TMOD2: variants seen among roughly 807,000 people sequenced by gnomAD.
TMOD2 encodes tropomodulin-2.
A neutral mutation model predicts 39.9 loss-of-function variants in TMOD2; 22 were observed. The observed-to-expected ratio is 0.55, with a 90% confidence interval of 0.39 to 0.79. The LOEUF is 0.79. Among genes scored for constraint, TMOD2 ranks in the 30% least tolerant of loss-of-function variants. The pLI, the probability that TMOD2 is intolerant of heterozygous loss-of-function variation, is 0.00. For synonymous variants in TMOD2, 123 were observed against 146.1 expected (o/e 0.84, Z 1.14); for missense variants, 386 against 413.3 (o/e 0.93, Z 0.57).
chr15:51,798,312 C>T lies in TMOD2; in HGVS notation c.848C>T (p.Thr283Ile), dbSNP rs751031843. The stretch of plus-strand genomic sequence containing the variant: ...GTAGAGGCACTGAAAGAAAATGACA[C>T]CTTGACAGAAATCAAGATTGACAAC... The part of the protein sequence containing the change: ...ALVEALKEND[T>I]LTEIKIDNQR... The change falls in exon 8 of 10, where the codon ACC (threonine) becomes ATC (isoleucine). Residue 283 changes from threonine to isoleucine, a missense_variant. Coordinates refer to ENST00000249700, the MANE Select transcript of TMOD2 (RefSeq NM_014548.4). 4.3e-6 allele frequency: 7 copies of T among 1,613,558 alleles called. No homozygotes were observed. Among genetic ancestry groups the T allele is most frequent in the Non-Finnish European group, 5.1e-6 (6 of 1,179,904 alleles).
At chr15:51,768,221 G>A (rs8027426) in intron 2 of TMOD2, 41 bp from the exon 3 acceptor site, 19,473 of 1,612,378 alleles carry the variant, frequency 0.012, 733 homozygotes, top group Admixed American at 0.11. Flanking sequence ...AGTACAGGCC[G>A]GCAGACATCT....
Position 51,813,423 on chromosome 15 carries a change from A to G in TMOD2, c.*4969A>G, listed in dbSNP as rs907148407. On this transcript the variant is annotated 3_prime_UTR_variant, in exon 10 of 10. Coordinates refer to ENST00000249700, the MANE Select transcript of TMOD2 (RefSeq NM_014548.4). ...GAGAGAACTGATGACCTAGACATAG[A>G]AAAGAGTAGTTAACTAACTAGATGT... 13 of 152,222 alleles carry G rather than the reference A, an allele frequency of 8.5e-5. No homozygotes were observed. Among genetic ancestry groups the G allele is most frequent in the African/African-American group, 3.1e-4 (13 of 41,448 alleles). 9.4% of individuals were successfully genotyped at this position (152,222 alleles called of 1,614,324 possible).
In TMOD2 at chr15:51,809,444, A is replaced by G. The variant is rs2056141881; in HGVS notation, c.*990A>G. The G allele has an allele frequency of 6.6e-6, 1 of 152,546 alleles. No individual in the cohort carries two copies. Among genetic ancestry groups the G allele is most frequent in the African/African-American group, 2.4e-5 (1 of 41,472 alleles). 9.4% of individuals were successfully genotyped at this position (152,546 alleles called of 1,614,324 possible). ...GTTAATTATCTAGATTTTTGTCCACAGTATATGATCCATCCAGACATTTGC... is the reference window on the plus strand; with the variant it reads ...GTTAATTATCTAGATTTTTGTCCACGGTATATGATCCATCCAGACATTTGC... On this transcript the variant is annotated 3_prime_UTR_variant, in exon 10 of 10. Transcript: ENST00000249700.
chr15:51,789,725 A>G (rs1483812889), intron 7 of TMOD2, among the ~76,000 whole-genome samples: 1 of 152,218 alleles, frequency 6.6e-6, no homozygotes, highest in Non-Finnish European at 1.5e-5. Context: ...CTGCACAACT[A>G]CGTGGAAACT....
chr15:51,754,752 CT>C (rs1318072981), intron 1 of TMOD2, among the ~76,000 whole-genome samples: 2 of 152,096 alleles, frequency 1.3e-5, no homozygotes, highest in Non-Finnish European at 2.9e-5. Context: ...TTATTCTTGA[CT>C]TTTCAGAGCC....
intron 8 of TMOD2, 49 bp downstream of exon 8, chr15:51,798,389 G>A (rs747974245): frequency 1.3e-6 from 2 of 1,591,122 alleles, no homozygotes; most frequent in Admixed American, 1.9e-5. Flanking sequence ...GGTGTGCAGT[G>A]AGCGGGGGAA....
chr15:51,784,712 ATTC>A (rs1321384207), intron 7 of TMOD2: 3 of 152,236 alleles, frequency 2.0e-5, no homozygotes, highest in Admixed American at 1.3e-4. Flanking sequence ...CAGTTTAAGG[ATTC>A]TTATCTCTGT....
chr15:51,814,857 A>G lies in TMOD2; in HGVS notation c.*6403A>G, dbSNP rs8028486. 54,516 of 152,214 alleles carry G rather than the reference A, an allele frequency of 0.36. 10,153 individuals carry two copies. The highest frequency in any genetic ancestry group is 0.44 in the Middle Eastern group (128 of 294). 9.4% of individuals were successfully genotyped at this position (152,214 alleles called of 1,614,324 possible). A position where few individuals can be genotyped will look rare whatever the true frequency, so the allele number is the denominator to read the frequency against. On this transcript the variant is annotated 3_prime_UTR_variant, in exon 10 of 10. Coordinates refer to ENST00000249700, the MANE Select transcript of TMOD2 (RefSeq NM_014548.4). Reference sequence around the variant, plus strand: ...TGTTTCTCTCCAGGAGGCTTTGTTCAGAGGAGGTCTGACTATTGCACAGCC... The same window carrying G: ...TGTTTCTCTCCAGGAGGCTTTGTTCGGAGGAGGTCTGACTATTGCACAGCC...
Position 51,808,554 on chromosome 15 carries a change from T to C in TMOD2, c.*100T>C. On this transcript the variant is annotated 3_prime_UTR_variant, in exon 10 of 10. Coordinates refer to ENST00000249700, the MANE Select transcript of TMOD2 (RefSeq NM_014548.4). ...GGACCATTTTATCAAAGTTCGTTCA[T>C]TTCCGTTAACCACATAACTAATAAT... is the stretch of plus-strand genomic sequence containing the variant. 15 of 915,690 alleles carry C rather than the reference T, an allele frequency of 1.6e-5. No homozygotes were observed. In the South Asian group the frequency reaches 2.4e-4, roughly 15 times the overall value. The allele number at this position is 915,690 out of a possible 1,614,324, so 56.7% of individuals were successfully genotyped here.
At chr15:51,768,505 T>G in intron 3 of TMOD2, 87 bp downstream of exon 3, 3 of 1,303,738 alleles carry the variant, frequency 2.3e-6, no homozygotes, top group Non-Finnish European at 3.2e-6. Flanking sequence ...AGATTACCTC[T>G]TTTTATTTTA....
chr15:51,768,257 G>A lies in TMOD2; in HGVS notation c.127-5G>A. ...TCCTTCCTGCTCACACCTCTTTCTT[G>A]TCAGAGTGCCATGCTGCCAGCTGGA... is the stretch of plus-strand genomic sequence containing the variant. On this transcript the variant is annotated splice_region_variant and splice_polypyrimidine_tract_variant and intron_variant, in intron 2 of 9. Coordinates refer to ENST00000249700, the MANE Select transcript of TMOD2 (RefSeq NM_014548.4). 6.2e-7 allele frequency: 1 copy of A among 1,614,054 alleles called. No individual in the cohort carries two copies. The highest frequency in any genetic ancestry group is 8.5e-7 in the Non-Finnish European group (1 of 1,179,936).
chr15:51,801,241 A>T (rs1032094574), intron 8 of TMOD2, among the ~76,000 whole-genome samples: 2,930 of 114,568 alleles, frequency 0.026, 60 homozygotes, highest in Admixed American at 0.09. Context: ...TCTCTCTCAC[A>T]CACACACACA....
At chr15:51,799,919 A>G (rs568658563) in intron 8 of TMOD2, among the ~76,000 whole-genome samples, 2 of 152,274 alleles carry the variant, frequency 1.3e-5, no homozygotes, top group South Asian at 2.1e-4. Context: ...GATTTAGGCC[A>G]TTGTGAAACC....
intron 7 of TMOD2, among the ~76,000 whole-genome samples, chr15:51,795,565 G>GCTTT (rs2056043076): frequency 1.1e-4 from 12 of 108,918 alleles, no homozygotes; most frequent in African/African-American, 2.5e-4. Flanking sequence ...CTTCTCTTCT[G>GCTTT]CTTGCTTGCT....
chr15:51,762,857 G>A (rs1426940210), intron 1 of TMOD2, among the ~76,000 whole-genome samples: 1 of 152,296 alleles, frequency 6.6e-6, no homozygotes, highest in Middle Eastern at 3.4e-3. Flanking sequence ...GTTCATCCAT[G>A]TTTTTGTGTA....
At chr15:51,757,098 A>G (rs1434264215) in intron 1 of TMOD2, among the ~76,000 whole-genome samples, 1 of 152,220 alleles carries the variant, frequency 6.6e-6, no homozygotes, top group African/African-American at 2.4e-5. Flanking sequence ...AATATTGAAG[A>G]CATATTAAAA....
intron 7 of TMOD2, among the ~76,000 whole-genome samples, chr15:51,790,057 C>G (rs924589555): frequency 6.6e-6 from 1 of 152,038 alleles, no homozygotes; most frequent in African/African-American, 2.4e-5. Flanking sequence ...TTCAAAAAAT[C>G]AATGAATCCA....
At chr15:51,795,567 TTGCTTGCTTG>T (rs1293327594) in intron 7 of TMOD2, among the ~76,000 whole-genome samples, 2 of 27,638 alleles carry the variant, frequency 7.2e-5, no homozygotes, top group African/African-American at 4.4e-4. Context: ...TCTCTTCTGC[TTGCTTGCTTG>T]CTTTCTTTCT....
At chr15:51,781,918 T>A (rs1201586367) in intron 6 of TMOD2, among the ~76,000 whole-genome samples, 1 of 152,166 alleles carries the variant, frequency 6.6e-6, no homozygotes, top group Non-Finnish European at 1.5e-5. Flanking sequence ...CAACTTTTAT[T>A]GAGTACTTAC....
Sources: allele counts gnomAD v4.1 joint callset (sites outside exome capture counted in the v4.1 genomes callset), GRCh38; gene constraint gnomAD v4.1.1; transcripts MANE v1.5; gene names NCBI Gene and HGNC (gene_info 2026-07-23, HGNC 2026-07-21).